EYS: variants seen among roughly 807,000 people sequenced by gnomAD.
The protein encoded by EYS is EGF-like photoreceptor maintenance factor, also known as protein eyes shut homolog.
EYS carries 250 observed loss-of-function variants against 282.1 expected under a neutral mutation model. The ratio of observed to expected loss-of-function variants is 0.89; its 90% CI spans 0.80 to 0.98. The LOEUF (loss-of-function observed/expected upper bound fraction) is 0.98, where lower values mean the gene tolerates loss of function less well. Among genes scored for constraint, EYS ranks in the 50% least tolerant of loss-of-function variants. The pLI is 0.00. For synonymous variants in EYS, 1,355 were observed against 1,282.9 expected (o/e 1.06, Z -1.20); for missense variants, 4,016 against 3,709.0 (o/e 1.08, Z -2.15).
At chr6:65,393,759 G>C (rs1766153365) in intron 7 of EYS, among the ~76,000 whole-genome samples, 1 of 151,944 alleles carries the variant, frequency 6.6e-6, no homozygotes, top group South Asian at 2.1e-4. Flanking sequence ...CTTGGGGATG[G>C]GGGTGGGGGA....
At chr6:64,204,938 T>C (rs1765571559) in intron 31 of EYS, among the ~76,000 whole-genome samples, 1 of 152,126 alleles carries the variant, frequency 6.6e-6, no homozygotes, top group African/African-American at 2.4e-5. Context: ...AGCTTTGAAA[T>C]GTATCAAAAA....
At chr6:64,339,179 C>G (rs1314915986) in intron 29 of EYS, among the ~76,000 whole-genome samples, 1 of 151,818 alleles carries the variant, frequency 6.6e-6, no homozygotes, top group Non-Finnish European at 1.5e-5. Flanking sequence ...GAACAGTCAG[C>G]AGAGTAAACA....
chr6:65,693,581 C>A (rs1329371529), intron 1 of EYS, among the ~76,000 whole-genome samples: 3 of 149,344 alleles, frequency 2.0e-5, no homozygotes. Context: ...ATAAAACCTG[C>A]AGAAGTCACT....
At chr6:65,458,705 G>T (rs1214737347) in intron 5 of EYS, among the ~76,000 whole-genome samples, 3 of 152,048 alleles carry the variant, frequency 2.0e-5, no homozygotes, top group Non-Finnish European at 4.4e-5. Context: ...GTAATTTAGG[G>T]TATACCCAAT....
intron 41 of EYS, among the ~76,000 whole-genome samples, chr6:63,751,795 C>T (rs911107558): frequency 1.3e-4 from 20 of 152,128 alleles, no homozygotes; most frequent in African/African-American, 4.6e-4. Context: ...ATAAAATCAT[C>T]CCTTTAGGCA....
chr6:64,650,409 T>A (rs542184233), intron 22 of EYS, among the ~76,000 whole-genome samples: 1 of 152,110 alleles, frequency 6.6e-6, no homozygotes, highest in Non-Finnish European at 1.5e-5. Flanking sequence ...AGTAGAAAAC[T>A]TTTAGCCAGT....
chr6:64,748,609 T>C (rs542464600), intron 22 of EYS, among the ~76,000 whole-genome samples: 1 of 152,300 alleles, frequency 6.6e-6, no homozygotes, highest in East Asian at 1.9e-4. Context: ...AGGGTATCTG[T>C]GGATGCTATG....
intron 30 of EYS, among the ~76,000 whole-genome samples, chr6:64,232,886 C>A (rs1043972136): frequency 6.6e-6 from 1 of 152,068 alleles, no homozygotes; most frequent in Non-Finnish European, 1.5e-5. Flanking sequence ...TTAGTCCTTG[C>A]GATATAAGTT....
intron 5 of EYS, among the ~76,000 whole-genome samples, chr6:65,467,727 A>G (rs1169873432): frequency 6.6e-6 from 1 of 152,146 alleles, no homozygotes; most frequent in African/African-American, 2.4e-5. Flanking sequence ...TTACTTAAAA[A>G]TACATAGGTA....
At chr6:64,594,978 C>T (rs1322686440) in intron 24 of EYS, among the ~76,000 whole-genome samples, 2 of 151,982 alleles carry the variant, frequency 1.3e-5, no homozygotes, top group Non-Finnish European at 2.9e-5. Context: ...GACACCAAAA[C>T]TAGACAAGAA....
intron 35 of EYS, among the ~76,000 whole-genome samples, chr6:63,924,259 T>C (rs1468984548): frequency 6.6e-6 from 1 of 152,216 alleles, no homozygotes; most frequent in Admixed American, 6.5e-5. Flanking sequence ...ACATGACTTA[T>C]GTTTTCAGGC....
intron 2 of EYS, among the ~76,000 whole-genome samples, chr6:65,543,943 G>T (rs1339430300): frequency 6.6e-6 from 1 of 151,798 alleles, no homozygotes; most frequent in Non-Finnish European, 1.5e-5. Context: ...AGTTGAGAGT[G>T]AAAAATTTCA....
chr6:65,054,502 C>T (rs1287397259), intron 13 of EYS, among the ~76,000 whole-genome samples: 1 of 151,882 alleles, frequency 6.6e-6, no homozygotes, highest in Non-Finnish European at 1.5e-5. Flanking sequence ...CATCTACATA[C>T]AAGATAATTA....
intron 2 of EYS, among the ~76,000 whole-genome samples, chr6:65,497,481 T>G (rs1213218467): frequency 6.6e-6 from 1 of 151,972 alleles, no homozygotes; most frequent in Non-Finnish European, 1.5e-5. Flanking sequence ...TGACACTGGA[T>G]GCCTTTAAGG....
At chr6:64,187,862 A>C (rs1764994101) in intron 31 of EYS, among the ~76,000 whole-genome samples, 1 of 152,036 alleles carries the variant, frequency 6.6e-6, no homozygotes, top group Non-Finnish European at 1.5e-5. Context: ...CTTTGTGTTT[A>C]ATATAAGATT....
intron 28 of EYS, among the ~76,000 whole-genome samples, chr6:64,432,582 TAAG>T (rs1473501280): frequency 1.3e-5 from 2 of 151,162 alleles, no homozygotes; most frequent in Non-Finnish European, 3.0e-5. Context: ...GCAATGATTA[TAAG>T]TAGTATATAG....
chr6:64,950,792 CAT>C (rs762177788), intron 14 of EYS, among the ~76,000 whole-genome samples: 2,403 of 60,756 alleles, frequency 0.04, 128 homozygotes, highest in African/African-American at 0.12. Flanking sequence ...TACACATATA[CAT>C]ATACATATAT....
chr6:64,339,179 CAGAGT>C (rs2150395391), intron 29 of EYS, among the ~76,000 whole-genome samples: 1 of 151,936 alleles, frequency 6.6e-6, no homozygotes, highest in South Asian at 2.1e-4. Flanking sequence ...GAACAGTCAG[CAGAGT>C]AAACAGACAA....
At chr6:65,365,992 C>A (rs1764901244) in intron 8 of EYS, among the ~76,000 whole-genome samples, 1 of 151,728 alleles carries the variant, frequency 6.6e-6, no homozygotes, top group African/African-American at 2.4e-5. Context: ...ATACCAATTT[C>A]TAAACATTAG....
Sources: allele counts gnomAD v4.1 joint callset (sites outside exome capture counted in the v4.1 genomes callset), GRCh38; gene constraint gnomAD v4.1.1; transcripts MANE v1.5; gene names NCBI Gene and HGNC (gene_info 2026-07-23, HGNC 2026-07-21).